Variants in FBXL19 observed in about 807,000 individuals in gnomAD.
FBXL19 encodes F-box and leucine rich repeat protein 19.
Under a neutral mutation model 71.2 loss-of-function variants are expected in FBXL19, and 16 were observed. That is an observed-to-expected ratio of 0.22 (90% CI 0.15 to 0.34). The LOEUF (loss-of-function observed/expected upper bound fraction) is 0.34, where lower values mean the gene tolerates loss of function less well. FBXL19 is among the 10% of genes least tolerant of loss of function. The pLI, the probability that FBXL19 is intolerant of heterozygous loss-of-function variation, is 1.00. For synonymous variants in FBXL19, 447 were observed against 409.4 expected, an observed-to-expected ratio of 1.09 and a Z score of -1.11; for missense variants, 658 against 968.2, an observed-to-expected ratio of 0.68 and a Z score of 4.25.
In FBXL19 at chr16:30,947,396, C is replaced by T. The variant is rs1188966541; in HGVS notation, c.*166C>T. 2 of 605,308 alleles carry T rather than the reference C, an allele frequency of 3.3e-6. No homozygotes were observed. Among genetic ancestry groups the T allele is most frequent in the African/African-American group, 1.9e-5 (1 of 53,828 alleles). The allele number at this position is 605,308 out of a possible 1,614,324, so 37.5% of individuals were successfully genotyped here. Reference sequence around the variant, plus strand: ...TCAAGCCAGCCACCCCCTTCTTTCCCCCCTGCACTGATATCTCTGGGGGTT... The same window carrying T: ...TCAAGCCAGCCACCCCCTTCTTTCCTCCCTGCACTGATATCTCTGGGGGTT... On this transcript the variant is annotated 3_prime_UTR_variant, in exon 11 of 11. Transcript: ENST00000338343.
At chr16:30,928,011 A>T (rs369197931) in intron 5 of FBXL19, 48 bp downstream of exon 5, 43 of 1,289,498 alleles carry the variant, frequency 3.3e-5, no homozygotes, top group African/African-American at 3.3e-4. Flanking sequence ...GAATTCTGGG[A>T]GCTGTAGTCC....
At chr16:30,928,013 C>CT (rs1479624715) in intron 5 of FBXL19, 50 bp downstream of exon 5, 4 of 1,275,340 alleles carry the variant, frequency 3.1e-6, no homozygotes, top group Non-Finnish European at 4.3e-6. Context: ...ATTCTGGGAG[C>CT]TGTAGTCCTG....
In FBXL19 at chr16:30,930,597, G is replaced by A; in HGVS notation, c.1301+13G>A. 1 of 1,433,378 alleles carries A rather than the reference G, an allele frequency of 7.0e-7. No individual in the cohort carries two copies. Among genetic ancestry groups the A allele is most frequent in the Non-Finnish European group, 9.1e-7 (1 of 1,098,098 alleles). The allele number at this position is 1,433,378 out of a possible 1,614,324, so 88.8% of individuals were successfully genotyped here. On this transcript the variant is annotated intron_variant, in intron 7 of 10. Coordinates refer to ENST00000338343, the MANE Select transcript of FBXL19 (RefSeq NM_001382779.1). This position sits in a 1 kb window ranked among gnomAD's most constrained non-coding sequence, Gnocchi z 8.5. ...CTTGGAGCCGCTGGTGAGTGGCCTGGACAGGCCTGCGTTCCGTGGCCAGCA... is the reference window on the plus strand; with the variant it reads ...CTTGGAGCCGCTGGTGAGTGGCCTGAACAGGCCTGCGTTCCGTGGCCAGCA...
rs754314783 is a variant in FBXL19, at chr16:30,942,391, G to T, written c.1482G>T (p.Val494=). 2 of 1,610,026 alleles carry T rather than the reference G, an allele frequency of 1.2e-6. No homozygotes were observed. The highest frequency in any genetic ancestry group is 1.1e-5 in the South Asian group (1 of 90,218). ...LNRLQGLQEL[V]LSGCSWLSVS... is the part of the protein sequence containing the mutation. Reference sequence around the variant, plus strand: ...TCTCCGCAGGCCTGCAGGAGCTGGTGCTCTCTGGCTGCTCCTGGCTCTCTG... The same window carrying T: ...TCTCCGCAGGCCTGCAGGAGCTGGTTCTCTCTGGCTGCTCCTGGCTCTCTG... The change falls in exon 9 of 11, where the codon GTG becomes GTT. Residue 494 remains valine, a synonymous_variant. Coordinates refer to ENST00000338343, the MANE Select transcript of FBXL19 (RefSeq NM_001382779.1). This position sits in a 1 kb window ranked among gnomAD's most constrained non-coding sequence, Gnocchi z 5.7.
intron 7 of FBXL19, among the ~76,000 whole-genome samples, chr16:30,939,882 A>C (rs2055782656): frequency 6.6e-6 from 1 of 152,022 alleles, no homozygotes; most frequent in Non-Finnish European, 1.5e-5. Flanking sequence ...GGCAAGAGAA[A>C]GCTTCCCTTG....
Position 30,928,546 on chromosome 16 carries a change from C to G in FBXL19, c.707C>G (p.Pro236Arg), listed in dbSNP as rs202132610. ...CLLRGSDPGG[P>R]GLLPPRVLNP... The stretch of plus-strand genomic sequence containing the variant: ...CTCCGAGGATCGGACCCAGGCGGCC[C>G]GGGCCTGCTGCCCCCCAGGGTTCTG... Residue 236 changes from proline (P) to arginine (R), a missense_variant, in exon 6 of 11, where the codon CCG becomes CGG. This residue lies in a region of FBXL19 where 447 missense variants were observed against 515.4 expected (regional missense o/e 0.87). Coordinates refer to ENST00000338343, the MANE Select transcript of FBXL19 (RefSeq NM_001382779.1). 3 of 1,607,972 alleles carry G rather than the reference C, an allele frequency of 1.9e-6. No homozygotes were observed. The highest frequency in any genetic ancestry group is 1.7e-5 in the Admixed American group (1 of 59,460).
Position 30,947,846 on chromosome 16 carries a change from A to C in FBXL19, c.*616A>C, listed in dbSNP as rs1416751352. The C allele has an allele frequency of 4.4e-6, 2 of 451,404 alleles. No individual in the cohort carries two copies. Among genetic ancestry groups the C allele is most frequent in the East Asian group, 1.4e-4 (2 of 13,904 alleles). The allele number at this position is 451,404 out of a possible 1,614,324, so 28.0% of individuals were successfully genotyped here. On this transcript the variant is annotated 3_prime_UTR_variant, in exon 11 of 11. Transcript: ENST00000338343. ...TCACCTCTCTGCTTCCCCCCTCCCCAGGCTTCAGTTCCTTCCCCCTGACCC... is the reference window on the plus strand; with the variant it reads ...TCACCTCTCTGCTTCCCCCCTCCCCCGGCTTCAGTTCCTTCCCCCTGACCC...
rs1336667972 is a variant in FBXL19, at chr16:30,924,140, G to A, written c.-344G>A. 2.6e-5 allele frequency: 4 copies of A among 152,414 alleles called. No individual in the cohort carries two copies. In the East Asian group the frequency reaches 7.7e-4, roughly 29 times the overall value. 9.4% of individuals were successfully genotyped at this position (152,414 alleles called of 1,614,324 possible). The stretch of plus-strand genomic sequence containing the variant: ...CGGACCCGGGACTGAGTGGGCCCCG[G>A]GCAGAAGCTGAGCACCCTGCGCCCA... On this transcript the variant is annotated 5_prime_UTR_variant, in exon 1 of 11. Transcript: ENST00000338343.
In FBXL19 at chr16:30,930,240, A is replaced by G. The variant is rs1156344798; in HGVS notation, c.957A>G (p.Thr319=). 14 of 1,612,872 alleles carry G rather than the reference A, an allele frequency of 8.7e-6. No individual in the cohort carries two copies. The Middle Eastern group carries it at 6.6e-4, about 76-fold the overall frequency. ...DSDSDSDSSG[T]SLSEDEAPGE... is the part of the protein sequence containing the mutation. ...ACTCCGACTCCGACTCTTCGGGCAC[A>G]TCGCTGAGTGAGGACGAAGCCCCCG... Residue 319 remains threonine, a synonymous_variant, in exon 7 of 11, where the codon ACA becomes ACG. Transcript: ENST00000338343. This position sits in a 1 kb window ranked among gnomAD's most constrained non-coding sequence, Gnocchi z 8.5.
In FBXL19 at chr16:30,930,907, C is replaced by T. The variant is rs2055665503; in HGVS notation, c.1301+323C>T. 6.6e-6 allele frequency among the ~76,000 whole-genome samples: 1 copy of T among 152,178 alleles called. No individual in the cohort carries two copies. The highest frequency in any genetic ancestry group is 2.4e-5 in the African/African-American group (1 of 41,440). ...TAGGCCCTTTGGCTCCAGTGCCTTT[C>T]CTCCTAATAGTAGCGACTATATTGA... is the stretch of plus-strand genomic sequence containing the variant. On this transcript the variant is annotated intron_variant, in intron 7 of 10. Coordinates refer to ENST00000338343, the MANE Select transcript of FBXL19 (RefSeq NM_001382779.1). This position sits in a 1 kb window ranked among gnomAD's most constrained non-coding sequence, Gnocchi z 8.5.
rs1271130030 is a variant in FBXL19 at position 30,942,918 on chromosome 16, T to C, written c.1627+382T>C. Among the ~76,000 whole-genome samples, 1 of 152,192 alleles carries C rather than the reference T, an allele frequency of 6.6e-6. No homozygotes were observed. The highest frequency in any genetic ancestry group is 1.5e-5 in the Non-Finnish European group (1 of 68,030). On this transcript the variant is annotated intron_variant, in intron 9 of 10. Transcript: ENST00000338343. The surrounding 1 kb of genome is among the most constrained non-coding windows in gnomAD (Gnocchi z 5.7). ...AAGCTCTCCCTGATCCCACCCCACA[T>C]TGAGCTCAGAGTCCCTCTCAGCTTT... is the stretch of plus-strand genomic sequence containing the variant.
chr16:30,939,229 G>A (rs1384721312), intron 7 of FBXL19, among the ~76,000 whole-genome samples: 6 of 149,768 alleles, frequency 4.0e-5, no homozygotes, highest in East Asian at 2.0e-4. Context: ...CCGCCACCAC[G>A]CCCGGCTAAT....
chr16:30,923,348 C>T, upstream of FBXL19: 1 of 399,850 alleles, frequency 2.5e-6, no homozygotes, highest in Non-Finnish European at 5.1e-6. Flanking sequence ...CCTCCGCCGT[C>T]CTGTTTGTAG....
Position 30,946,658 on chromosome 16 carries a change from G to A in FBXL19, c.1628-72G>A. On this transcript the variant is annotated intron_variant, in intron 9 of 10. Coordinates refer to ENST00000338343, the MANE Select transcript of FBXL19 (RefSeq NM_001382779.1). The surrounding 1 kb of genome is among the most constrained non-coding windows in gnomAD (Gnocchi z 6.7). ...CACTTATGTGGGAAGCAGGTGGAGG[G>A]CAGATGGTCTGGATACCTGGGCGCA... 7.0e-7 allele frequency: 1 copy of A among 1,425,854 alleles called. No individual in the cohort carries two copies. Among genetic ancestry groups the A allele is most frequent in the Non-Finnish European group, 9.5e-7 (1 of 1,048,288 alleles). The allele number at this position is 1,425,854 out of a possible 1,614,324, so 88.3% of individuals were successfully genotyped here.
rs774327465 is a variant in FBXL19 at position 30,925,956 on chromosome 16, C to T, written c.177+25C>T. On this transcript the variant is annotated intron_variant, in intron 2 of 10. Transcript: ENST00000338343. This position sits in a 1 kb window ranked among gnomAD's most constrained non-coding sequence, Gnocchi z 5.0. ...CGTGAGTTCTGCCCCCACCTTTGGG[C>T]TCTGCCCACCCTTCCCAATACCTTC... The T allele has an allele frequency of 2.0e-6, 3 of 1,465,686 alleles. No individual in the cohort carries two copies. Among genetic ancestry groups the T allele is most frequent in the Non-Finnish European group, 2.7e-6 (3 of 1,112,532 alleles). The allele number at this position is 1,465,686 out of a possible 1,614,324, so 90.8% of individuals were successfully genotyped here.
In FBXL19 at chr16:30,947,436, C is replaced by T. The variant is rs1416314177; in HGVS notation, c.*206C>T. ...CTCTGGGGGTTTCTCCTTCCTATGT[C>T]CTGCCCCTGCTACCTGCTTCATTGT... On this transcript the variant is annotated 3_prime_UTR_variant, in exon 11 of 11. Transcript: ENST00000338343. 8 of 581,492 alleles carry T rather than the reference C, an allele frequency of 1.4e-5. No individual in the cohort carries two copies. The highest frequency in any genetic ancestry group is 7.5e-5 in the African/African-American group (4 of 53,434). 36.0% of individuals were successfully genotyped at this position (581,492 alleles called of 1,614,324 possible).
Position 30,925,779 on chromosome 16 carries a change from G to A in FBXL19, c.25G>A (p.Gly9Arg). ...AATGTCGTCGAGCAGCCGGGGGCCG[G>A]GGGCCGGAGCGCGCCGACGCCGAAC... MSSSSRGP[G>R]AGARRRRTRC... Residue 9 changes from glycine to arginine, a missense_variant, in exon 2 of 11, where the codon GGG (glycine) becomes AGG (arginine). Gly to Arg is a moderately radical substitution (Grantham distance 125). Transcript: ENST00000338343. The surrounding 1 kb of genome is among the most constrained non-coding windows in gnomAD (Gnocchi z 5.0). 1 of 1,487,760 alleles carries A rather than the reference G, an allele frequency of 6.7e-7. No homozygotes were observed. The highest frequency in any genetic ancestry group is 8.9e-7 in the Non-Finnish European group (1 of 1,123,514). 92.2% of individuals were successfully genotyped at this position (1,487,760 alleles called of 1,614,324 possible).
At position 30,927,943 on chromosome 16, in the gene FBXL19, C is replaced by A. The variant is rs369148968; in HGVS notation, c.607C>A (p.Pro203Thr). ...AAAGGAAAGGGAGGCAGGGAATGAG[C>A]CTCCCACCCCAAGGAAAAAGGTGAG... ...KRKEREAGNE[P>T]PTPRKKVKGG... Residue 203 changes from proline to threonine, a missense_variant, in exon 5 of 11, where the codon CCT (proline) becomes ACT (threonine). Coordinates refer to ENST00000338343, the MANE Select transcript of FBXL19 (RefSeq NM_001382779.1). The A allele has an allele frequency of 1.3e-6, 2 of 1,529,588 alleles. No homozygotes were observed. The highest frequency in any genetic ancestry group is 4.6e-5 in the Admixed American group (2 of 43,026). The allele number at this position is 1,529,588 out of a possible 1,614,324, so 94.8% of individuals were successfully genotyped here.
chr16:30,923,551 AGGGAG>A (rs1044595884), upstream of FBXL19, among the ~76,000 whole-genome samples: 15 of 16,944 alleles, frequency 8.9e-4, no homozygotes, highest in East Asian at 2.2e-3. Context: ...GGGAAGGAGG[AGGGAG>A]GGGAGGGGAG....
Sources: gnomAD v4.1 joint callset for allele counts (sites outside exome capture counted in the v4.1 genomes callset) on GRCh38, gnomAD v4.1.1 for gene constraint, gnomAD v4.1.1 regional missense constraint, Gnocchi (gnomAD v3.1) non-coding constraint, MANE v1.5 for transcripts, NCBI Gene and HGNC (gene_info 2026-07-23, HGNC 2026-07-21) for gene names.